The following ARFGEF1 variants were observed in gnomAD, a reference collection of about 807,000 sequenced individuals.
ARFGEF1 encodes the protein ARF guanine nucleotide exchange factor 1, also known as brefeldin A-inhibited guanine nucleotide-exchange protein 1.
In ARFGEF1, 42 loss-of-function variants were observed where a neutral mutation model predicts 231.0. The ratio of observed to expected loss-of-function variants is 0.18; its 90% CI spans 0.14 to 0.24. The LOEUF is 0.24. ARFGEF1 is among the 10% of genes least tolerant of loss of function. The pLI, the probability that ARFGEF1 is intolerant of heterozygous loss-of-function variation, is 1.00. For missense variants in ARFGEF1, 1,345 were observed against 2,192.0 expected, an observed-to-expected ratio of 0.61 and a Z score of 7.72; for synonymous variants, 710 against 732.3, an observed-to-expected ratio of 0.97 and a Z score of 0.49.
At chr8:67,327,539 C>CA (rs1412777158) in intron 1 of ARFGEF1, among the ~76,000 whole-genome samples, 2 of 152,172 alleles carry the variant, frequency 1.3e-5, no homozygotes, top group East Asian at 3.9e-4. Flanking sequence ...AGGCTGGTCT[C>CA]AAACTCCTGA....
Position 67,259,799 on chromosome 8 carries a change from A to G in ARFGEF1, c.2235+16T>C. 1 of 1,517,896 alleles carries G rather than the reference A, an allele frequency of 6.6e-7. No homozygotes were observed. The highest frequency in any genetic ancestry group is 2.3e-5 in the East Asian group (1 of 44,210). The allele number at this position is 1,517,896 out of a possible 1,614,324, so 94.0% of individuals were successfully genotyped here. ...GAATTTTACAGAAAAGGTTAGAATGAAAATGGTATTCTTACAGAGTCTAAT... is the reference window on the plus strand; with the variant it reads ...GAATTTTACAGAAAAGGTTAGAATGGAAATGGTATTCTTACAGAGTCTAAT... On this transcript the variant is annotated intron_variant, in intron 15 of 38. Coordinates refer to ENST00000262215, the MANE Select transcript of ARFGEF1 (RefSeq NM_006421.5).
intron 7 of ARFGEF1, among the ~76,000 whole-genome samples, chr8:67,286,860 C>T (rs1195315740): frequency 6.6e-6 from 1 of 152,148 alleles, no homozygotes; most frequent in Non-Finnish European, 1.5e-5. Context: ...TTTTATTTTC[C>T]ATTACGTATT....
intron 19 of ARFGEF1, among the ~76,000 whole-genome samples, chr8:67,244,316 GTT>G (rs376228822): frequency 7.9e-4 from 39 of 49,382 alleles, no homozygotes; most frequent in South Asian, 1.9e-3. Context: ...TGTTGTTGTT[GTT>G]TTTTTTTTTT....
intron 28 of ARFGEF1, 144 bp from the exon 29 acceptor site, chr8:67,225,177 A>AT: frequency 1.3e-6 from 1 of 764,834 alleles, no homozygotes; most frequent in African/African-American, 1.8e-5. Flanking sequence ...AATGGACACT[A>AT]TAACTGCCTA....
In ARFGEF1 at chr8:67,267,339, A is replaced by C. The variant is rs1804890568; in HGVS notation, c.1672+4T>G. ...GAGATAATAAAAAGGATAATTTAAA[A>C]TACCTGCACAAATCCTCGTCAGTGT... On this transcript the variant is annotated splice_donor_region_variant and intron_variant, in intron 11 of 38. Coordinates refer to ENST00000262215, the MANE Select transcript of ARFGEF1 (RefSeq NM_006421.5). 6.2e-7 allele frequency: 1 copy of C among 1,602,500 alleles called. No homozygotes were observed.
downstream of ARFGEF1, among the ~76,000 whole-genome samples, chr8:67,194,495 A>G (rs1236750061): frequency 6.6e-6 from 1 of 152,178 alleles, no homozygotes; most frequent in Non-Finnish European, 1.5e-5. Flanking sequence ...GCTATAAGGC[A>G]TTTTCTTTTA....
chr8:67,192,901 C>T (rs112055478), downstream of ARFGEF1, among the ~76,000 whole-genome samples: 2,398 of 152,230 alleles, frequency 0.016, 65 homozygotes, highest in African/African-American at 0.055. Context: ...TGGACTAAGC[C>T]CCTGCTGCTT....
chr8:67,309,908 T>C (rs988464909), intron 1 of ARFGEF1, among the ~76,000 whole-genome samples: 1 of 152,188 alleles, frequency 6.6e-6, no homozygotes, highest in Non-Finnish European at 1.5e-5. Flanking sequence ...TATATTTTCA[T>C]TTTCTATTCT....
chr8:67,192,068 T>C (rs1488147409), intron 5 of ARFGEF1, among the ~76,000 whole-genome samples: 2 of 144,316 alleles, frequency 1.4e-5, no homozygotes, highest in African/African-American at 5.3e-5. Context: ...GCTGATTTGT[T>C]TTTTTTTTTG....
downstream of ARFGEF1, among the ~76,000 whole-genome samples, chr8:67,193,971 G>A (rs923159529): frequency 6.6e-6 from 1 of 152,186 alleles, no homozygotes; most frequent in East Asian, 1.9e-4. Context: ...TAACACTTAT[G>A]CTGTATATTT....
At chr8:67,175,283 T>C (rs759812666), downstream of ARFGEF1, 4 of 1,594,144 alleles carry the variant, frequency 2.5e-6, no homozygotes, top group East Asian at 2.2e-5. Flanking sequence ...ATATAACATA[T>C]TTTTTATACC....
At chr8:67,236,349 TAAAAAAA>T (rs1554638965) in intron 22 of ARFGEF1, among the ~76,000 whole-genome samples, 7 of 13,958 alleles carry the variant, frequency 5.0e-4, no homozygotes, top group Non-Finnish European at 4.0e-4. Context: ...AGATATTAGT[TAAAAAAA>T]AAAAAAAAAA....
rs1302340992 is a variant in ARFGEF1, at chr8:67,343,220, T to C, written c.68A>G (p.Lys23Arg). 6.2e-7 allele frequency: 1 copy of C among 1,613,046 alleles called. No individual in the cohort carries two copies. Among genetic ancestry groups the C allele is most frequent in the Admixed American group, 1.7e-5 (1 of 59,996 alleles). Residue 23 changes from lysine (K) to arginine (R), a missense_variant, in exon 1 of 39, where the codon AAG (lysine) becomes AGG (arginine). Coordinates refer to ENST00000262215, the MANE Select transcript of ARFGEF1 (RefSeq NM_006421.5). ...GGAGTGATGCGCCTTCTTCACTTCC[T>C]TGTCGGCCAATATCTTCTCCAGAGC... ...TRALEKILADKEVKKAHHSQL... is the reference protein window; with the variant it reads ...TRALEKILADREVKKAHHSQL...
chr8:67,180,038 G>T, intron 5 of ARFGEF1: 1 of 543,998 alleles, frequency 1.8e-6, no homozygotes, highest in South Asian at 2.9e-5. Context: ...AAAAAAAAAG[G>T]AATATTCTTT....
chr8:67,253,732 G>T, intron 17 of ARFGEF1, 110 bp from the exon 18 acceptor site: 1 of 584,522 alleles, frequency 1.7e-6, no homozygotes, highest in South Asian at 5.3e-5. Context: ...TTTGAGGATA[G>T]AAACTGGAAA....
intron 2 of ARFGEF1, among the ~76,000 whole-genome samples, chr8:67,301,638 T>A (rs1393273630): frequency 2.0e-5 from 3 of 152,166 alleles, no homozygotes; most frequent in African/African-American, 7.2e-5. Flanking sequence ...AACTGTAAAA[T>A]TCAAGTTGCT....
chr8:67,339,353 T>C (rs1366769509), intron 1 of ARFGEF1, among the ~76,000 whole-genome samples: 1 of 152,146 alleles, frequency 6.6e-6, no homozygotes, highest in East Asian at 1.9e-4. Context: ...CAGTGACAGT[T>C]TCCAACCTTG....
At chr8:67,238,554 T>TTTTG in intron 21 of ARFGEF1, 61 bp from the exon 22 acceptor site, 1 of 1,511,082 alleles carries the variant, frequency 6.6e-7, no homozygotes. Context: ...CAAAAAGATT[T>TTTTG]AAATATATGC....
chr8:67,269,719 C>T (rs1804996753), intron 10 of ARFGEF1, among the ~76,000 whole-genome samples: 1 of 151,836 alleles, frequency 6.6e-6, no homozygotes, highest in South Asian at 2.1e-4. Context: ...CTCATTTTAC[C>T]CTCATTATCG....
Sources: allele counts gnomAD v4.1 joint callset (sites outside exome capture counted in the v4.1 genomes callset), GRCh38; gene constraint gnomAD v4.1.1; transcripts MANE v1.5; gene names NCBI Gene and HGNC (gene_info 2026-07-23, HGNC 2026-07-21).